The following GALNT1 variants were observed in gnomAD, a reference collection of about 807,000 sequenced individuals.
The protein encoded by GALNT1 is polypeptide N-acetylgalactosaminyltransferase 1, also known as GalNAc transferase 1.
GALNT1 carries 17 observed loss-of-function variants against 65.7 expected under a neutral mutation model. The ratio of observed to expected loss-of-function variants is 0.26; its 90% CI spans 0.18 to 0.39. GALNT1 has a LOEUF of 0.39. Ranked by LOEUF, GALNT1 falls within the 10% of genes least tolerant of loss-of-function variation. GALNT1 has a pLI of 1.00. For synonymous variants in GALNT1, 210 were observed against 219.7 expected, an observed-to-expected ratio of 0.96 and a Z score of 0.39; for missense variants, 460 against 672.8, an observed-to-expected ratio of 0.68 and a Z score of 3.50.
intron 1 of GALNT1, among the ~76,000 whole-genome samples, chr18:35,634,423 A>G (rs1434569669): frequency 6.6e-6 from 1 of 152,122 alleles, no homozygotes; most frequent in African/African-American, 2.4e-5. Flanking sequence ...GGCTAGAAGG[A>G]CTCACATGAT....
At chr18:35,677,034 C>CT (rs1260012424) in intron 3 of GALNT1, among the ~76,000 whole-genome samples, 1 of 152,178 alleles carries the variant, frequency 6.6e-6, no homozygotes, top group Non-Finnish European at 1.5e-5. Context: ...AGGGCATGGG[C>CT]TGTGGAGTCT....
intron 3 of GALNT1, among the ~76,000 whole-genome samples, chr18:35,674,124 T>C (rs1273204812): frequency 6.6e-6 from 1 of 152,190 alleles, no homozygotes; most frequent in Non-Finnish European, 1.5e-5. Flanking sequence ...GCACTTACCA[T>C]GAATGGAGCT....
intron 2 of GALNT1, among the ~76,000 whole-genome samples, chr18:35,656,943 C>T (rs2047397375): frequency 1.3e-5 from 2 of 152,060 alleles, no homozygotes; most frequent in Non-Finnish European, 1.5e-5. Context: ...CCTGGGGGGC[C>T]ATCGAATGTA....
chr18:35,612,318 C>T (rs542862686), intron 1 of GALNT1, among the ~76,000 whole-genome samples: 81 of 152,230 alleles, frequency 5.3e-4, no homozygotes, highest in African/African-American at 1.9e-3. Flanking sequence ...GACAATTTGC[C>T]TTCTGGATTA....
chr18:35,627,906 A>G (rs2046939997), intron 1 of GALNT1, among the ~76,000 whole-genome samples: 1 of 152,200 alleles, frequency 6.6e-6, no homozygotes, highest in Non-Finnish European at 1.5e-5. Context: ...AGCAAACGGC[A>G]CACCAGGAGA....
At chr18:35,634,607 T>G (rs576738827) in intron 1 of GALNT1, among the ~76,000 whole-genome samples, 2 of 152,296 alleles carry the variant, frequency 1.3e-5, no homozygotes, top group East Asian at 3.9e-4. Flanking sequence ...TGAAATGTTG[T>G]GTACTAGGGA....
At chr18:35,619,719 G>A (rs1175508312) in intron 1 of GALNT1, among the ~76,000 whole-genome samples, 2 of 152,186 alleles carry the variant, frequency 1.3e-5, no homozygotes, top group Non-Finnish European at 2.9e-5. Flanking sequence ...CAGTAGTGTC[G>A]TTGGCAAGCT....
chr18:35,704,627 T>A (rs1473882102), intron 11 of GALNT1, among the ~76,000 whole-genome samples: 1 of 150,338 alleles, frequency 6.7e-6, no homozygotes, highest in African/African-American at 2.4e-5. Context: ...CTAATTTATT[T>A]TTTTTTATTT....
intron 1 of GALNT1, among the ~76,000 whole-genome samples, chr18:35,639,378 A>G (rs915335458): frequency 1.4e-4 from 22 of 152,182 alleles, no homozygotes; most frequent in African/African-American, 5.3e-4. Context: ...TAGCAGTAAA[A>G]TTTTTAAATT....
At chr18:35,682,993 A>G (rs531647057) in intron 4 of GALNT1, among the ~76,000 whole-genome samples, 6 of 151,288 alleles carry the variant, frequency 4.0e-5, no homozygotes, top group African/African-American at 7.3e-5. Flanking sequence ...AAATTTCACA[A>G]TTTTCTGAAC....
intron 11 of GALNT1, among the ~76,000 whole-genome samples, chr18:35,705,371 A>G (rs755095688): frequency 3.9e-5 from 6 of 152,188 alleles, no homozygotes; most frequent in South Asian, 2.1e-4. Flanking sequence ...TTATCTAGCA[A>G]TCTTTTCTCC....
At chr18:35,681,482 C>T (rs2047785043) in intron 4 of GALNT1, among the ~76,000 whole-genome samples, 1 of 149,480 alleles carries the variant, frequency 6.7e-6, no homozygotes, top group Non-Finnish European at 1.5e-5. Flanking sequence ...ACCACAGAAT[C>T]ATGCATTTTT....
intron 10 of GALNT1, among the ~76,000 whole-genome samples, 162 bp from the exon 11 acceptor site, chr18:35,703,347 A>C (rs2144744861): frequency 6.6e-6 from 1 of 152,344 alleles, no homozygotes; most frequent in South Asian, 2.1e-4. Flanking sequence ...ATCAATGTAA[A>C]TTAGTGGTAG....
intron 7 of GALNT1, among the ~76,000 whole-genome samples, chr18:35,690,098 A>ATTATAAAGAGTTATGAGATTTTTAAC: frequency 6.6e-6 from 1 of 152,204 alleles, no homozygotes; most frequent in Non-Finnish European, 1.5e-5. Context: ...TGTTATTTTA[A>ATTATAAAGAGTTATGAGATTTTTAAC]TTATAAAGAG....
intron 9 of GALNT1, 124 bp from the exon 10 acceptor site, chr18:35,702,765 GATAGGCCA>G: frequency 2.0e-6 from 1 of 494,564 alleles, no homozygotes; most frequent in Non-Finnish European, 3.6e-6. Flanking sequence ...CTCAGACAGC[GATAGGCCA>G]ATAGGCCATT....
chr18:35,584,381 A>G (rs2046357064), intron 1 of GALNT1, among the ~76,000 whole-genome samples: 1 of 152,110 alleles, frequency 6.6e-6, no homozygotes, highest in East Asian at 1.9e-4. Context: ...TTATATACCA[A>G]GTTTTATTTT....
rs187259988 is a variant in GALNT1 at position 35,588,335 on chromosome 18, C to A, written c.-104+6473C>A. ...TAATTTTTCCTCTGTAGAAAGGAAT[C>A]GTTTTTCTCTCACTGTTCTCAGGAT... On this transcript the variant is annotated intron_variant, in intron 1 of 11. Coordinates refer to ENST00000269195, the MANE Select transcript of GALNT1 (RefSeq NM_020474.4). Among the ~76,000 whole-genome samples, 144 of 152,234 alleles carry A rather than the reference C, an allele frequency of 9.5e-4. 1 individual carries two copies. The highest frequency in any genetic ancestry group is 3.0e-3 in the African/African-American group (125 of 41,530).
intron 9 of GALNT1, among the ~76,000 whole-genome samples, chr18:35,698,789 CAAGATGG>C (rs1185781204): frequency 6.6e-6 from 1 of 151,608 alleles, no homozygotes; most frequent in African/African-American, 2.4e-5. Flanking sequence ...CCAGCCTGGC[CAAGATGG>C]TGAAATCCTG....
chr18:35,669,151 G>A (rs571028290), intron 3 of GALNT1, among the ~76,000 whole-genome samples: 2 of 152,270 alleles, frequency 1.3e-5, no homozygotes, highest in East Asian at 3.9e-4. Flanking sequence ...TGAGGCAGAA[G>A]AATGGCATGA....
Sources: gnomAD v4.1 joint callset for allele counts (sites outside exome capture counted in the v4.1 genomes callset) on GRCh38, gnomAD v4.1.1 for gene constraint, MANE v1.5 for transcripts, NCBI Gene and HGNC (gene_info 2026-07-23, HGNC 2026-07-21) for gene names.